The following H2BC1 variants were observed in gnomAD, a reference collection of about 807,000 sequenced individuals.
The protein encoded by H2BC1 is histone H2B type 1-A.
Under a neutral mutation model 5.4 loss-of-function variants are expected in H2BC1, and 5 were observed. That is an observed-to-expected ratio of 0.92 (90% CI 0.48 to 1.94). The LOEUF (loss-of-function observed/expected upper bound fraction) is 1.94. Among genes scored for constraint, H2BC1 ranks in the 30% most tolerant of loss-of-function variants. The pLI is 0.01. For missense variants in H2BC1, 210 were observed against 159.1 expected, an observed-to-expected ratio of 1.32 and a Z score of -1.72; for synonymous variants, 131 against 58.2, an observed-to-expected ratio of 2.25 and a Z score of -5.69.
chr6:25,726,898 G>C lies in H2BC1; in HGVS notation c.-11G>C. On this transcript the variant is annotated 5_prime_UTR_variant, in exon 1 of 1. Transcript: ENST00000274764. ...AAGAACCGTGTAACGCTGCAGAAGT[G>C]TGTGGTAGCTATGCCGGAGGTGTCA... The C allele has an allele frequency of 6.2e-7, 1 of 1,607,648 alleles. No individual in the cohort carries two copies. Among genetic ancestry groups the C allele is most frequent in the East Asian group, 2.2e-5 (1 of 44,862 alleles).
In H2BC1 at chr6:25,727,298, C is replaced by T. The variant is rs752279426; in HGVS notation, c.*6C>T. The T allele has an allele frequency of 6.3e-7, 1 of 1,581,042 alleles. No individual in the cohort carries two copies. The highest frequency in any genetic ancestry group is 1.8e-5 in the Admixed American group (1 of 56,056). On this transcript the variant is annotated 3_prime_UTR_variant, in exon 1 of 1. Coordinates refer to ENST00000274764, the MANE Select transcript of H2BC1 (RefSeq NM_170610.3). ...AGTACACCAGCTCCAAGTAAGCCTGCTAAGTAAACGTCATTTCTAACCCAA... is the reference window on the plus strand; with the variant it reads ...AGTACACCAGCTCCAAGTAAGCCTGTTAAGTAAACGTCATTTCTAACCCAA...
chr6:25,726,807 G>C lies in H2BC1; in HGVS notation c.-102G>C, dbSNP rs915830421. 3.6e-6 allele frequency: 5 copies of C among 1,381,204 alleles called. No individual in the cohort carries two copies. The highest frequency in any genetic ancestry group is 4.9e-6 in the Non-Finnish European group (5 of 1,013,332). The allele number at this position is 1,381,204 out of a possible 1,614,324, so 85.6% of individuals were successfully genotyped here. ...TTTACTTGGCGAGACTTGGAGCTGA[G>C]GTCATTTGGAGCTGTTTAATACTGA... On this transcript the variant is annotated 5_prime_UTR_variant, in exon 1 of 1. Coordinates refer to ENST00000274764, the MANE Select transcript of H2BC1 (RefSeq NM_170610.3).
Position 25,726,790 on chromosome 6 carries a change from G to C in H2BC1, c.-119G>C. 7.7e-7 allele frequency: 1 copy of C among 1,302,100 alleles called. No individual in the cohort carries two copies. Among genetic ancestry groups the C allele is most frequent in the East Asian group, 2.3e-5 (1 of 43,012 alleles). The allele number at this position is 1,302,100 out of a possible 1,614,324, so 80.7% of individuals were successfully genotyped here. ...TCCTCCAGTTCTGTTTGTTTACTTG[G>C]CGAGACTTGGAGCTGAGGTCATTTG... On this transcript the variant is annotated 5_prime_UTR_variant, in exon 1 of 1. Transcript: ENST00000274764.
chr6:25,727,299 T>C lies in H2BC1; in HGVS notation c.*7T>C, dbSNP rs17320558. The C allele has an allele frequency of 6.3e-7, 1 of 1,578,396 alleles. No homozygotes were observed. The highest frequency in any genetic ancestry group is 8.6e-7 in the Non-Finnish European group (1 of 1,161,252). On this transcript the variant is annotated 3_prime_UTR_variant, in exon 1 of 1. Transcript: ENST00000274764. The stretch of plus-strand genomic sequence containing the variant: ...GTACACCAGCTCCAAGTAAGCCTGC[T>C]AAGTAAACGTCATTTCTAACCCAAA...
In H2BC1 at chr6:25,727,087, C is replaced by T. The variant is rs1386372194; in HGVS notation, c.179C>T (p.Ala60Val). ...CCGGACACTGGCATCTCTTCGAAAG[C>T]TATGAGCATTATGAATTCCTTCGTC... The part of the protein sequence containing the change: ...VHPDTGISSK[A>V]MSIMNSFVTD... The change falls in exon 1 of 1, where the codon GCT becomes GTT. Residue 60 changes from alanine to valine, a missense_variant. Transcript: ENST00000274764. The T allele has an allele frequency of 6.2e-7, 1 of 1,614,238 alleles. No homozygotes were observed. The highest frequency in any genetic ancestry group is 8.5e-7 in the Non-Finnish European group (1 of 1,180,022).
rs1137660 is a variant in H2BC1 at position 25,727,271 on chromosome 6, T to C, written c.363T>C (p.Thr121=). 6.2e-7 allele frequency: 1 copy of C among 1,607,030 alleles called. No homozygotes were observed. The highest frequency in any genetic ancestry group is 1.1e-5 in the South Asian group (1 of 90,386). Residue 121 remains threonine (T), a synonymous_variant, in exon 1 of 1, where the codon ACT becomes ACC. Transcript: ENST00000274764. ...TGTCTGAGGGCACCAAGGCTGTCAC[T>C]AAGTACACCAGCTCCAAGTAAGCCT... ...HAVSEGTKAV[T]KYTSSK
At position 25,727,175 on chromosome 6, in the gene H2BC1, C is replaced by T. The variant is rs1230484452; in HGVS notation, c.267C>T (p.Ser89=). The part of the protein sequence containing the change: ...ASRLAHYSKR[S]TISSREIQTA... Reference sequence around the variant, plus strand: ...GTTTGGCTCACTACAGCAAGCGCTCCACCATTTCTTCCAGAGAGATTCAGA... The same window carrying T: ...GTTTGGCTCACTACAGCAAGCGCTCTACCATTTCTTCCAGAGAGATTCAGA... Residue 89 remains serine, a synonymous_variant, in exon 1 of 1, where the codon TCC becomes TCT. Coordinates refer to ENST00000274764, the MANE Select transcript of H2BC1 (RefSeq NM_170610.3). 1.9e-6 allele frequency: 3 copies of T among 1,614,034 alleles called. No homozygotes were observed. In the African/African-American group the frequency reaches 4.0e-5, roughly 22 times the overall value.
Position 25,727,052 on chromosome 6 carries a change from G to A in H2BC1, c.144G>A (p.Lys48=). The part of the protein sequence containing the change: ...SYSIYIYKVL[K]QVHPDTGISS... Reference sequence around the variant, plus strand: ...CTATTTACATCTACAAAGTGCTAAAGCAGGTCCATCCGGACACTGGCATCT... The same window carrying A: ...CTATTTACATCTACAAAGTGCTAAAACAGGTCCATCCGGACACTGGCATCT... The change falls in exon 1 of 1, where the codon AAG becomes AAA. Residue 48 remains lysine (K), a synonymous_variant. Coordinates refer to ENST00000274764, the MANE Select transcript of H2BC1 (RefSeq NM_170610.3). The A allele has an allele frequency of 6.2e-7, 1 of 1,614,242 alleles. No homozygotes were observed. Among genetic ancestry groups the A allele is most frequent in the Non-Finnish European group, 8.5e-7 (1 of 1,180,042 alleles).
In H2BC1 at chr6:25,727,230, C is replaced by T. The variant is rs1218772563; in HGVS notation, c.322C>T (p.Leu108=). The T allele has an allele frequency of 3.7e-6, 6 of 1,613,722 alleles. No individual in the cohort carries two copies. The highest frequency in any genetic ancestry group is 1.1e-5 in the South Asian group (1 of 91,058). The change falls in exon 1 of 1, where the codon CTG becomes TTG. Residue 108 remains leucine (L), a synonymous_variant. Coordinates refer to ENST00000274764, the MANE Select transcript of H2BC1 (RefSeq NM_170610.3). ...TAVRLLLPGE[L]AKHAVSEGTK... is the part of the protein sequence containing the mutation. ...AGTGCGCTTGCTACTGCCGGGAGAG[C>T]TGGCTAAACATGCTGTGTCTGAGGG...
At position 25,726,885 on chromosome 6, in the gene H2BC1, A is replaced by G. The variant is rs767176170; in HGVS notation, c.-24A>G. 1.9e-6 allele frequency: 3 copies of G among 1,597,168 alleles called. No homozygotes were observed. The highest frequency in any genetic ancestry group is 1.7e-5 in the Admixed American group (1 of 58,318). On this transcript the variant is annotated 5_prime_UTR_variant, in exon 1 of 1. Coordinates refer to ENST00000274764, the MANE Select transcript of H2BC1 (RefSeq NM_170610.3). ...TGTAACCCTGGAAAAGAACCGTGTA[A>G]CGCTGCAGAAGTGTGTGGTAGCTAT... is the stretch of plus-strand genomic sequence containing the variant.
rs150616838 is a variant in H2BC1, at chr6:25,727,155, G to T, written c.247G>T (p.Ala83Ser). Residue 83 changes from alanine (A) to serine (S), a missense_variant, in exon 1 of 1, where the codon GCT (alanine) becomes TCT (serine). Transcript: ENST00000274764. ...ERIASEASRL[A>S]HYSKRSTISS... ...TATAGCGAGCGAGGCATCACGTTTG[G>T]CTCACTACAGCAAGCGCTCCACCAT... 1.3e-4 allele frequency: 206 copies of T among 1,614,118 alleles called. No individual in the cohort carries two copies. Among genetic ancestry groups the T allele is most frequent in the Non-Finnish European group, 1.3e-4 (156 of 1,180,030 alleles).
At position 25,727,198 on chromosome 6, in the gene H2BC1, A is replaced by G. The variant is rs755727962; in HGVS notation, c.290A>G (p.Gln97Arg). The G allele has an allele frequency of 3.1e-6, 5 of 1,614,078 alleles. No homozygotes were observed. The highest frequency in any genetic ancestry group is 3.4e-6 in the Non-Finnish European group (4 of 1,180,042). The change falls in exon 1 of 1, where the codon CAG becomes CGG. Residue 97 changes from glutamine to arginine, a missense_variant. Physicochemically the swap from Gln to Arg is conservative, Grantham distance 43. Transcript: ENST00000274764. ...KRSTISSREIQTAVRLLLPGE... is the reference protein window; with the variant it reads ...KRSTISSREIRTAVRLLLPGE... ...TCCACCATTTCTTCCAGAGAGATTCAGACAGCAGTGCGCTTGCTACTGCCG... is the reference window on the plus strand; with the variant it reads ...TCCACCATTTCTTCCAGAGAGATTCGGACAGCAGTGCGCTTGCTACTGCCG...
chr6:25,727,323 A>G lies in H2BC1; in HGVS notation c.*31A>G, dbSNP rs1760298421. 2 of 1,545,554 alleles carry G rather than the reference A, an allele frequency of 1.3e-6. No individual in the cohort carries two copies. Among genetic ancestry groups the G allele is most frequent in the South Asian group, 1.3e-5 (1 of 79,036 alleles). ...CTAAGTAAACGTCATTTCTAACCCA[A>G]AGGCTCTTTTCAGAGCCACTTAAAC... is the stretch of plus-strand genomic sequence containing the variant. On this transcript the variant is annotated 3_prime_UTR_variant, in exon 1 of 1. Coordinates refer to ENST00000274764, the MANE Select transcript of H2BC1 (RefSeq NM_170610.3).
At position 25,727,121 on chromosome 6, in the gene H2BC1, C is replaced by CT; in HGVS notation, c.216dup (p.Glu73Ter). 1.2e-6 allele frequency: 2 copies of CT among 1,614,228 alleles called. No individual in the cohort carries two copies. The highest frequency in any genetic ancestry group is 1.7e-6 in the Non-Finnish European group (2 of 1,180,042). On this transcript the variant is annotated frameshift_variant, in exon 1 of 1. Coordinates refer to ENST00000274764, the MANE Select transcript of H2BC1 (RefSeq NM_170610.3). LOFTEE classifies it high-confidence loss of function. ...TTATGAATTCCTTCGTCACTGATAT[C>CT]TTTGAGCGTATAGCGAGCGAGGCAT...
At position 25,727,132 on chromosome 6, in the gene H2BC1, T is replaced by C. The variant is rs1760285565; in HGVS notation, c.224T>C (p.Ile75Thr). ...NSFVTDIFER[I>T]ASEASRLAHY... ...TTCGTCACTGATATCTTTGAGCGTATAGCGAGCGAGGCATCACGTTTGGCT... is the reference window on the plus strand; with the variant it reads ...TTCGTCACTGATATCTTTGAGCGTACAGCGAGCGAGGCATCACGTTTGGCT... The change falls in exon 1 of 1, where the codon ATA becomes ACA. Residue 75 changes from isoleucine (I) to threonine (T), a missense_variant. Ile to Thr is a moderately conservative substitution (Grantham distance 89). Coordinates refer to ENST00000274764, the MANE Select transcript of H2BC1 (RefSeq NM_170610.3). The C allele has an allele frequency of 2.5e-6, 4 of 1,614,218 alleles. No individual in the cohort carries two copies. The highest frequency in any genetic ancestry group is 3.4e-6 in the Non-Finnish European group (4 of 1,180,042).
chr6:25,726,868 T>G lies in H2BC1; in HGVS notation c.-41T>G. On this transcript the variant is annotated 5_prime_UTR_variant, in exon 1 of 1. Transcript: ENST00000274764. ...AGCACTGGAAAGTGCTGTGTAACCCTGGAAAAGAACCGTGTAACGCTGCAG... is the reference window on the plus strand; with the variant it reads ...AGCACTGGAAAGTGCTGTGTAACCCGGGAAAAGAACCGTGTAACGCTGCAG... 6.4e-7 allele frequency: 1 copy of G among 1,573,250 alleles called. No homozygotes were observed. Among genetic ancestry groups the G allele is most frequent in the Non-Finnish European group, 8.6e-7 (1 of 1,162,436 alleles).
In H2BC1 at chr6:25,726,956, T is replaced by C. The variant is rs771859251; in HGVS notation, c.48T>C (p.Phe16=). Reference sequence around the variant, plus strand: ...GTGCTACCATTTCCAAGAAGGGCTTTAAGAAAGCTGTCGTTAAGACCCAGA... The same window carrying C: ...GTGCTACCATTTCCAAGAAGGGCTTCAAGAAAGCTGTCGTTAAGACCCAGA... ...SKGATISKKG[F]KKAVVKTQKK... Residue 16 remains phenylalanine (F), a synonymous_variant, in exon 1 of 1, where the codon TTT becomes TTC. Transcript: ENST00000274764. The C allele has an allele frequency of 1.9e-6, 3 of 1,614,072 alleles. No individual in the cohort carries two copies. The South Asian group carries it at 3.3e-5, about 18-fold the overall frequency.
In H2BC1 at chr6:25,726,804, T is replaced by C; in HGVS notation, c.-105T>C. On this transcript the variant is annotated 5_prime_UTR_variant, in exon 1 of 1. Coordinates refer to ENST00000274764, the MANE Select transcript of H2BC1 (RefSeq NM_170610.3). ...TTGTTTACTTGGCGAGACTTGGAGC[T>C]GAGGTCATTTGGAGCTGTTTAATAC... 3 of 1,366,504 alleles carry C rather than the reference T, an allele frequency of 2.2e-6. No individual in the cohort carries two copies. Among genetic ancestry groups the C allele is most frequent in the South Asian group, 1.4e-5 (1 of 69,922 alleles). The allele number at this position is 1,366,504 out of a possible 1,614,324, so 84.6% of individuals were successfully genotyped here.
Position 25,727,046 on chromosome 6 carries a change from G to T in H2BC1, c.138G>T (p.Val46=), listed in dbSNP as rs769393049. Residue 46 remains valine, a synonymous_variant, in exon 1 of 1, where the codon GTG becomes GTT. Coordinates refer to ENST00000274764, the MANE Select transcript of H2BC1 (RefSeq NM_170610.3). Reference sequence around the variant, plus strand: ...GTTATTCTATTTACATCTACAAAGTGCTAAAGCAGGTCCATCCGGACACTG... The same window carrying T: ...GTTATTCTATTTACATCTACAAAGTTCTAAAGCAGGTCCATCCGGACACTG... ...KESYSIYIYK[V]LKQVHPDTGI... The T allele has an allele frequency of 1.9e-6, 3 of 1,614,226 alleles. No homozygotes were observed. Among genetic ancestry groups the T allele is most frequent in the East Asian group, 4.5e-5 (2 of 44,888 alleles).
Sources: gnomAD v4.1 joint callset for allele counts on GRCh38, gnomAD v4.1.1 for gene constraint, MANE v1.5 for transcripts, NCBI Gene and HGNC (gene_info 2026-07-23, HGNC 2026-07-21) for gene names.